Variants in GRIN2A observed in about 807,000 individuals in gnomAD.
GRIN2A encodes glutamate ionotropic receptor NMDA type subunit 2A.
Under a neutral mutation model 113.4 loss-of-function variants are expected in GRIN2A, and 22 were observed. That is an observed-to-expected ratio of 0.19 (90% CI 0.14 to 0.28). The LOEUF is 0.28. GRIN2A is among the 10% of genes least tolerant of loss of function. GRIN2A has a pLI of 1.00. For synonymous variants in GRIN2A, 827 were observed against 738.4 expected (o/e 1.12, Z -1.94); for missense variants, 1,502 against 1,887.0 (o/e 0.80, Z 3.78).
chr16:9,832,403 G>C (rs1596474780), intron 8 of GRIN2A, among the ~76,000 whole-genome samples: 1 of 151,926 alleles, frequency 6.6e-6, no homozygotes, highest in East Asian at 1.9e-4. Flanking sequence ...CTTTCCCATT[G>C]GACCATCTTA....
chr16:9,936,032 T>G (rs2044707040), intron 3 of GRIN2A, among the ~76,000 whole-genome samples: 1 of 152,086 alleles, frequency 6.6e-6, no homozygotes, highest in Non-Finnish European at 1.5e-5. Flanking sequence ...GACCAAAAAC[T>G]TCACTGATCA....
intron 12 of GRIN2A, among the ~76,000 whole-genome samples, chr16:9,767,663 A>G (rs944062208): frequency 6.6e-6 from 1 of 152,200 alleles, no homozygotes; most frequent in Non-Finnish European, 1.5e-5. Context: ...GGATAAATAG[A>G]TGGATGCATA....
rs367543134 is a variant in GRIN2A at position 9,763,897 on chromosome 16, C to G, written c.3647G>C (p.Ser1216Thr). The G allele has an allele frequency of 1.2e-6, 2 of 1,614,150 alleles. No homozygotes were observed. Among genetic ancestry groups the G allele is most frequent in the Non-Finnish European group, 1.7e-6 (2 of 1,180,014 alleles). Residue 1216 changes from serine to threonine, a missense_variant, in exon 13 of 13, where the codon AGC (serine) becomes ACC (threonine). By Grantham distance (58) the Ser-to-Thr change is moderately conservative (BLOSUM62 1). Around this residue, in one of 7 missense-constraint regions of GRIN2A, gnomAD observed 832 missense variants for 789.7 expected, o/e 1.05. Transcript: ENST00000330684. ...RYRQNSTHCR[S>T]CLSNMPTYSG... ...ATAGGTGGGCATGTTGGAAAGGCAG[C>G]TTCTGCAGTGCGTGGAGTTCTGCCG... is the stretch of plus-strand genomic sequence containing the variant.
At chr16:9,886,176 T>C (rs1053599405) in intron 4 of GRIN2A, among the ~76,000 whole-genome samples, 14 of 152,184 alleles carry the variant, frequency 9.2e-5, no homozygotes, top group African/African-American at 3.4e-4. Flanking sequence ...GAATCGCAGA[T>C]TGTGTAACAT....
chr16:10,013,303 C>G (rs1419352774), intron 2 of GRIN2A, among the ~76,000 whole-genome samples: 1 of 152,204 alleles, frequency 6.6e-6, no homozygotes, highest in Non-Finnish European at 1.5e-5. Flanking sequence ...TCCTCTCCCA[C>G]GAAAGCCTTC....
chr16:9,899,016 C>A (rs376965940), intron 3 of GRIN2A, among the ~76,000 whole-genome samples: 1 of 152,046 alleles, frequency 6.6e-6, no homozygotes, highest in Non-Finnish European at 1.5e-5. Flanking sequence ...AATATCCTTG[C>A]GCTGTCTTTT....
intron 2 of GRIN2A, among the ~76,000 whole-genome samples, chr16:10,172,001 T>C (rs1370270440): frequency 6.6e-6 from 1 of 152,228 alleles, no homozygotes; most frequent in Non-Finnish European, 1.5e-5. Context: ...ATAATGACAT[T>C]CTTTAAAAGA....
rs758596798 is a variant in GRIN2A, at chr16:9,829,412, G to C, written c.2007+11C>G. 3.2e-6 allele frequency: 5 copies of C among 1,580,124 alleles called. 1 individual carries two copies. In the African/African-American group the frequency reaches 6.7e-5, roughly 21 times the overall value. ...AACCCTCAGATGGAGAGGAAAGCAA[G>C]GTGACCTTACCTTTTTGTCACTGAG... On this transcript the variant is annotated intron_variant, in intron 9 of 12. Coordinates refer to ENST00000330684, the MANE Select transcript of GRIN2A (RefSeq NM_001134407.3).
chr16:10,111,957 G>T, intron 2 of GRIN2A: 2 of 723,868 alleles, frequency 2.8e-6, no homozygotes, highest in South Asian at 2.9e-5. Flanking sequence ...CAGCAGGCAT[G>T]ACATTGAAAC....
chr16:9,928,410 T>G (rs1246735627), intron 3 of GRIN2A, among the ~76,000 whole-genome samples: 2 of 152,170 alleles, frequency 1.3e-5, no homozygotes, highest in East Asian at 3.8e-4. Context: ...ACCTGCCCCT[T>G]TATACTTTGC....
intron 4 of GRIN2A, among the ~76,000 whole-genome samples, chr16:9,869,825 T>G (rs2043225194): frequency 6.6e-6 from 1 of 152,204 alleles, no homozygotes; most frequent in African/African-American, 2.4e-5. Context: ...CATTAACTCA[T>G]GTTTGTGAAC....
At chr16:9,882,704 T>A (rs767382324) in intron 4 of GRIN2A, among the ~76,000 whole-genome samples, 2 of 152,160 alleles carry the variant, frequency 1.3e-5, no homozygotes, top group Non-Finnish European at 2.9e-5. Flanking sequence ...GGAAGACCCC[T>A]TAAGCCCAGG....
rs182138590 is a variant in GRIN2A, at chr16:9,941,828, C to T, written c.415-3277G>A. On this transcript the variant is annotated intron_variant, in intron 2 of 12. Coordinates refer to ENST00000330684, the MANE Select transcript of GRIN2A (RefSeq NM_001134407.3). ...TTCTAGGTGCTATCTCATTTAATGC[C>T]ACCCCCAACCACCTTATTAAGTTGG... Among the ~76,000 whole-genome samples the T allele has an allele frequency of 8.6e-4, 131 of 152,132 alleles. 2 individuals carry two copies. The highest frequency in any genetic ancestry group is 2.9e-3 in the African/African-American group (121 of 41,522).
chr16:9,818,983 A>C (rs143424257), intron 10 of GRIN2A, among the ~76,000 whole-genome samples: 28 of 152,328 alleles, frequency 1.8e-4, no homozygotes, highest in African/African-American at 6.7e-4. Flanking sequence ...TAGAGGCCTG[A>C]CCAAATAAAA....
chr16:10,030,427 C>T (rs368626347), intron 2 of GRIN2A, among the ~76,000 whole-genome samples: 88 of 152,264 alleles, frequency 5.8e-4, no homozygotes, highest in Non-Finnish European at 1.0e-3. Context: ...TGTCCAGTCA[C>T]GTGCTCAGAC....
At chr16:10,078,715 G>A (rs766010813) in intron 2 of GRIN2A, among the ~76,000 whole-genome samples, 16 of 152,154 alleles carry the variant, frequency 1.1e-4, no homozygotes, top group Non-Finnish European at 1.9e-4. Flanking sequence ...CAGCTGCAGT[G>A]AAACAAAGGG....
At chr16:10,054,082 T>A (rs997766961) in intron 2 of GRIN2A, among the ~76,000 whole-genome samples, 3 of 151,850 alleles carry the variant, frequency 2.0e-5, no homozygotes, top group Non-Finnish European at 2.9e-5. Context: ...AATTTAATTT[T>A]AAAAAACCGA....
At chr16:9,944,490 C>T (rs1236795530) in intron 2 of GRIN2A, among the ~76,000 whole-genome samples, 1 of 152,146 alleles carries the variant, frequency 6.6e-6, no homozygotes, top group Non-Finnish European at 1.5e-5. Context: ...TCACCATCAT[C>T]ATCATGACCA....
Position 10,071,321 on chromosome 16 carries a change from T to C in GRIN2A, c.414+108677A>G, listed in dbSNP as rs146980439. On this transcript the variant is annotated intron_variant, in intron 2 of 12. Transcript: ENST00000330684. ...TTCTAGAAGAATGTGTCATTGTCAG[T>C]AATTGGAATTACTGACAGATCCAGT... Among the ~76,000 whole-genome samples the C allele has an allele frequency of 1.8e-3, 280 of 152,302 alleles. 2 individuals carry two copies. Among genetic ancestry groups the C allele is most frequent in the African/African-American group, 6.3e-3 (263 of 41,562 alleles).
Sources: gnomAD v4.1 joint callset for allele counts (sites outside exome capture counted in the v4.1 genomes callset) on GRCh38, gnomAD v4.1.1 for gene constraint, gnomAD v4.1.1 regional missense constraint, MANE v1.5 for transcripts, NCBI Gene and HGNC (gene_info 2026-07-23, HGNC 2026-07-21) for gene names.